NME9: variants seen among roughly 807,000 people sequenced by gnomAD.
NME9 encodes thioredoxin domain-containing protein 6.
A neutral mutation model predicts 44.4 loss-of-function variants in NME9; 48 were observed. The ratio of observed to expected loss-of-function variants is 1.08; its 90% CI spans 0.86 to 1.37. The LOEUF (loss-of-function observed/expected upper bound fraction) is 1.37, where lower values mean the gene tolerates loss of function less well. Among genes scored for constraint, NME9 ranks in the 40% most tolerant of loss-of-function variants. The probability of loss-of-function intolerance (pLI) is 0.00; values close to 1 mark genes in which losing one functional copy is unlikely to be tolerated. For synonymous variants in NME9, 139 were observed against 147.1 expected, an observed-to-expected ratio of 0.94 and a Z score of 0.40; for missense variants, 325 against 405.2, an observed-to-expected ratio of 0.80 and a Z score of 1.70.
At chr3:138,329,256 C>T (rs934404062) in intron 1 of NME9, 47 bp downstream of exon 1, 12 of 1,498,932 alleles carry the variant, frequency 8.0e-6, no homozygotes, top group Non-Finnish European at 9.9e-6. Context: ...CCCTCCTCTT[C>T]CCCGAGCCCA....
chr3:138,311,212 A>G (rs532850136), intron 6 of NME9, among the ~76,000 whole-genome samples: 33 of 152,320 alleles, frequency 2.2e-4, no homozygotes, highest in African/African-American at 7.9e-4. Flanking sequence ...GAAAACCTCA[A>G]CAAACCAATA....
At chr3:138,316,863 C>T (rs2053121977) in intron 4 of NME9, among the ~76,000 whole-genome samples, 1 of 152,132 alleles carries the variant, frequency 6.6e-6, no homozygotes, top group South Asian at 2.1e-4. Flanking sequence ...GATCTGCCTA[C>T]CTTGGCCTCC....
chr3:138,272,997 A>G, intron 8 of NME9: 1 of 1,605,578 alleles, frequency 6.2e-7, no homozygotes, highest in Non-Finnish European at 8.5e-7. Context: ...ACAAAAAATA[A>G]AAGCAGATAT....
intron 4 of NME9, among the ~76,000 whole-genome samples, chr3:138,315,925 A>G (rs1430666214): frequency 6.6e-6 from 1 of 152,074 alleles, no homozygotes; most frequent in Non-Finnish European, 1.5e-5. Flanking sequence ...TCCACCTCCC[A>G]GGTTCACACC....
At chr3:138,284,336 T>C in intron 8 of NME9, 7 of 855,486 alleles carry the variant, frequency 8.2e-6, no homozygotes, top group Non-Finnish European at 9.8e-6. Flanking sequence ...TGAGAATCCA[T>C]GTACCTTCAA....
chr3:138,270,405 T>C (rs924593092), intron 8 of NME9, among the ~76,000 whole-genome samples: 4 of 152,208 alleles, frequency 2.6e-5, no homozygotes, highest in Admixed American at 1.3e-4. Flanking sequence ...TAAATTTTCC[T>C]TATCATGAAC....
At position 138,306,425 on chromosome 3, in the gene NME9, A is replaced by G; in HGVS notation, c.516T>C (p.His172=). 1 of 1,613,442 alleles carries G rather than the reference A, an allele frequency of 6.2e-7. No homozygotes were observed. Among genetic ancestry groups the G allele is most frequent in the Non-Finnish European group, 8.5e-7 (1 of 1,179,378 alleles). Residue 172 remains histidine (H), a synonymous_variant, in exon 7 of 11, where the codon CAT becomes CAC. Coordinates refer to ENST00000333911, the MANE Select transcript of NME9 (RefSeq NM_001349018.2). The part of the protein sequence containing the change: ...LAIIKPDAVA[H]GKTDEIIMKI... ...TCATGATAATCTCATCAGTCTTTCCATGGGCCACTGCATCTGGTTTAATGA... is the reference window on the plus strand; with the variant it reads ...TCATGATAATCTCATCAGTCTTTCCGTGGGCCACTGCATCTGGTTTAATGA...
downstream of NME9, chr3:138,298,399 T>C (rs1233986754): frequency 6.6e-6 from 1 of 152,366 alleles, no homozygotes; most frequent in Non-Finnish European, 1.5e-5. Context: ...AGGAGTCTGT[T>C]TTCCAAATGT....
chr3:138,321,093 C>T (rs1294089267), intron 2 of NME9, among the ~76,000 whole-genome samples: 1 of 152,050 alleles, frequency 6.6e-6, no homozygotes, highest in African/African-American at 2.4e-5. Context: ...CTGAAAAGCC[C>T]AGTGAGATGG....
At chr3:138,279,667 C>T (rs557486654) in intron 8 of NME9, among the ~76,000 whole-genome samples, 2 of 152,212 alleles carry the variant, frequency 1.3e-5, no homozygotes, top group Admixed American at 6.5e-5. Context: ...CATCTGGATA[C>T]GATGACCGTT....
At chr3:138,263,949 AGTATATAACATT>A in intron 8 of NME9, 2 of 1,018,016 alleles carry the variant, frequency 2.0e-6, no homozygotes, top group Non-Finnish European at 3.1e-6. Flanking sequence ...GAATTCATAG[AGTATATAACATT>A]GTCTAACAGA....
chr3:138,293,600 A>C (rs189003904), intron 8 of NME9, among the ~76,000 whole-genome samples: 1 of 151,990 alleles, frequency 6.6e-6, no homozygotes, highest in East Asian at 1.9e-4. Flanking sequence ...TGGTCAGATG[A>C]GTGTACCATC....
intron 8 of NME9, chr3:138,272,880 A>T (rs2048926836): frequency 3.6e-6 from 4 of 1,120,954 alleles, no homozygotes; most frequent in Non-Finnish European, 4.7e-6. Flanking sequence ...TCAAAAAAAT[A>T]AAAAAAAATT....
At chr3:138,303,711 C>T (rs2108429283) in intron 9 of NME9, 68 bp from the exon 10 acceptor site, 1 of 1,463,986 alleles carries the variant, frequency 6.8e-7, no homozygotes, top group East Asian at 2.3e-5. Context: ...TGCTTTCTGG[C>T]AACATGATCA....
Position 138,314,374 on chromosome 3 carries a change from A to G in NME9, c.418T>C (p.Cys140Arg). 6.2e-7 allele frequency: 1 copy of G among 1,609,654 alleles called. No homozygotes were observed. The highest frequency in any genetic ancestry group is 1.1e-5 in the South Asian group (1 of 90,794). Residue 140 changes from cysteine to arginine, a missense_variant, in exon 6 of 11, where the codon TGT becomes CGT. Cys to Arg is a radical substitution (Grantham distance 180). Transcript: ENST00000333911. ...CCATTATTCTTTCCATGGGAAACACATTCATCTTCATCAGAAAGAGCCTCA... is the reference window on the plus strand; with the variant it reads ...CCATTATTCTTTCCATGGGAAACACGTTCATCTTCATCAGAAAGAGCCTCA... Reference protein sequence around the residue: ...KDEALSDEDECVSHGKNNGED... With the variant: ...KDEALSDEDERVSHGKNNGED...
intron 6 of NME9, among the ~76,000 whole-genome samples, chr3:138,310,799 G>A (rs950183730): frequency 1.3e-5 from 2 of 152,084 alleles, no homozygotes; most frequent in Non-Finnish European, 2.9e-5. Flanking sequence ...AGCAATAAAT[G>A]CTTACATCAA....
In NME9 at chr3:138,307,611, A is replaced by C. The variant is rs6795079; in HGVS notation, c.461-1131T>G. Among the ~76,000 whole-genome samples, 1,302 of 152,356 alleles carry C rather than the reference A, an allele frequency of 8.5e-3. 16 individuals are homozygous for C. Among genetic ancestry groups the C allele is most frequent in the African/African-American group, 0.03 (1,244 of 41,580 alleles). On this transcript the variant is annotated intron_variant, in intron 6 of 10. Transcript: ENST00000333911. ...TATTTCTAACGTGTTATGAATATTT[A>C]GATTTTAAGAGAGTTTTACAATAAA...
At chr3:138,268,789 T>TA (rs200483217) in intron 8 of NME9, among the ~76,000 whole-genome samples, 3,842 of 148,690 alleles carry the variant, frequency 0.026, 66 homozygotes, top group South Asian at 0.067. Context: ...AAATTAAAAT[T>TA]AAAAAAAAAA....
chr3:138,267,717 A>G (rs1240740702), intron 8 of NME9, among the ~76,000 whole-genome samples: 2 of 152,168 alleles, frequency 1.3e-5, no homozygotes, highest in South Asian at 4.1e-4. Context: ...TCTGCATTTT[A>G]TAAAATATTT....
Sources: allele counts gnomAD v4.1 joint callset (sites outside exome capture counted in the v4.1 genomes callset), GRCh38; gene constraint gnomAD v4.1.1; transcripts MANE v1.5; gene names NCBI Gene and HGNC (gene_info 2026-07-23, HGNC 2026-07-21).